The following ELK1 variants were observed in gnomAD, a reference collection of about 807,000 sequenced individuals.
ELK1 encodes the protein ETS domain-containing protein Elk-1.
For missense variants in ELK1, 254 were observed against 381.5 expected (o/e 0.67, Z 2.78); for synonymous variants, 163 against 176.3 (o/e 0.92, Z 0.60).
At position 47,639,073 on chromosome X, in the gene ELK1, T is replaced by G; in HGVS notation, c.476A>C (p.Tyr159Ser). Reference sequence around the variant, plus strand: ...CAGAGACTGGATGGTGAAGGTGGAATAGAGGCCCGAGCGCATGTACTCGTT... The same window carrying G: ...CAGAGACTGGATGGTGAAGGTGGAAGAGAGGCCCGAGCGCATGTACTCGTT... ...SRNEYMRSGL[Y>S]STFTIQSLQP... The change falls in exon 4 of 7, where the codon TAT (tyrosine) becomes TCT (serine). Residue 159 changes from tyrosine (Y) to serine (S), a missense_variant. Transcript: ENST00000376983. The G allele has an allele frequency of 8.3e-7, 1 of 1,201,157 alleles. No homozygotes were observed. Among genetic ancestry groups the G allele is most frequent in the Non-Finnish European group, 1.1e-6 (1 of 890,660 alleles).
At position 47,637,938 on chromosome X, in the gene ELK1, T is replaced by G; in HGVS notation, c.899A>C (p.His300Pro). 3.3e-6 allele frequency: 4 copies of G among 1,204,272 alleles called. No individual in the cohort carries two copies. Among genetic ancestry groups the G allele is most frequent in the Non-Finnish European group, 4.5e-6 (4 of 892,520 alleles). ...VMDTAGQAGG[H>P]AASSPEISQP... The stretch of plus-strand genomic sequence containing the variant: ...GGAGATCTCAGGGCTGGAAGCCGCA[T>G]GGCCGCCCGCCTGCCCTGCGGTGTC... Residue 300 changes from histidine to proline, a missense_variant, in exon 5 of 7, where the codon CAT (histidine) becomes CCT (proline). By Grantham distance (77) the His-to-Pro change is moderately conservative. Coordinates refer to ENST00000376983, the MANE Select transcript of ELK1 (RefSeq NM_001114123.3).
In ELK1 at chrX:47,635,989, T is replaced by C. The variant is rs2058006313; in HGVS notation, c.*840A>G. The C allele has an allele frequency of 9.1e-6, 1 of 109,705 alleles. No individual in the cohort carries two copies. Among genetic ancestry groups the C allele is most frequent in the African/African-American group, 3.3e-5 (1 of 29,994 alleles). The allele number at this position is 109,705 out of a possible 1,213,427, so 9.0% of individuals were successfully genotyped here. On this transcript the variant is annotated 3_prime_UTR_variant, in exon 7 of 7. Coordinates refer to ENST00000376983, the MANE Select transcript of ELK1 (RefSeq NM_001114123.3). Reference sequence around the variant, plus strand: ...CCTCTCCCCTATTGAAAAGCCCCATTTAAAAATAGATTATACTATCAAAAT... The same window carrying C: ...CCTCTCCCCTATTGAAAAGCCCCATCTAAAAATAGATTATACTATCAAAAT...
At chrX:47,638,853 TTACTGCC>T in intron 4 of ELK1, 35 bp downstream of exon 4, 1 of 1,166,715 alleles carries the variant, frequency 8.6e-7, no homozygotes, top group East Asian at 3.1e-5. Context: ...TCCCTCCTCT[TTACTGCC>T]TCCTCTTACT....
rs2058041076 is a variant in ELK1, at chrX:47,645,589, C to G, written c.-34-4114G>C. ...GGAGTTCTTCCCCAAGGAAGTGACA[C>G]CTGGCCTGAAGGAGGGGAGGTAGCA... is the stretch of plus-strand genomic sequence containing the variant. On this transcript the variant is annotated intron_variant, in intron 2 of 6. Transcript: ENST00000376983. Among the ~76,000 whole-genome samples the G allele has an allele frequency of 3.6e-5, 4 of 112,246 alleles. No individual in the cohort carries two copies. The South Asian group carries it at 1.5e-3, about 42-fold the overall frequency.
chrX:47,641,165 A>G, intron 3 of ELK1, 67 bp downstream of exon 3: 1 of 1,139,354 alleles, frequency 8.8e-7, no homozygotes, highest in Non-Finnish European at 1.2e-6. Context: ...TATGGCAATT[A>G]AAACAAAATA....
At position 47,636,999 on chromosome X, in the gene ELK1, A is replaced by T. The variant is rs1335512376; in HGVS notation, c.1188+14T>A. 1.7e-6 allele frequency: 2 copies of T among 1,207,714 alleles called. No individual in the cohort carries two copies. On this transcript the variant is annotated intron_variant, in intron 6 of 6. Coordinates refer to ENST00000376983, the MANE Select transcript of ELK1 (RefSeq NM_001114123.3). Reference sequence around the variant, plus strand: ...GTCTCTCACCCTGTCCAAAACGGGGAAAGAGGATCCTACCTGGAAGGAGAG... The same window carrying T: ...GTCTCTCACCCTGTCCAAAACGGGGTAAGAGGATCCTACCTGGAAGGAGAG...
At chrX:47,644,456 GAAAGGCAGATGAGAAA>G (rs2058037385) in intron 2 of ELK1, among the ~76,000 whole-genome samples, 3 of 111,399 alleles carry the variant, frequency 2.7e-5, no homozygotes, top group African/African-American at 9.8e-5. Flanking sequence ...ATCTTAGCAG[GAAAGGCAGATGAGAAA>G]AAAGGCAAAC....
At chrX:47,644,738 G>A (rs2058038416) in intron 2 of ELK1, among the ~76,000 whole-genome samples, 1 of 110,615 alleles carries the variant, frequency 9.0e-6, no homozygotes, top group Admixed American at 9.6e-5. Flanking sequence ...AGGCTGACAT[G>A]GGTTCGGGGG....
chrX:47,644,964 G>A (rs1490598434), intron 2 of ELK1, among the ~76,000 whole-genome samples: 1 of 111,484 alleles, frequency 9.0e-6, no homozygotes, highest in East Asian at 2.8e-4. Flanking sequence ...GGTAGATGAT[G>A]GTGGTAGCAG....
chrX:47,638,288 C>G lies in ELK1; in HGVS notation c.655-106G>C, dbSNP rs1337399756. The G allele has an allele frequency of 5.2e-6, 5 of 953,265 alleles. No homozygotes were observed. In the African/African-American group the frequency reaches 7.7e-5, roughly 15 times the overall value. The allele number at this position is 953,265 out of a possible 1,213,427, so 78.6% of individuals were successfully genotyped here. A position where few individuals can be genotyped will look rare whatever the true frequency, so the allele number is the denominator to read the frequency against. On this transcript the variant is annotated intron_variant, in intron 4 of 6. Coordinates refer to ENST00000376983, the MANE Select transcript of ELK1 (RefSeq NM_001114123.3). ...CCCCGGGAAGGTGGCACTTGGTACT[C>G]AGGGCATGACTGCACATCAGAGCAA...
chrX:47,641,463 A>T lies in ELK1; in HGVS notation c.-22T>A. 8.4e-7 allele frequency: 1 copy of T among 1,195,906 alleles called. No individual in the cohort carries two copies. Among genetic ancestry groups the T allele is most frequent in the Non-Finnish European group, 1.1e-6 (1 of 885,775 alleles). ...CCATCGCTGGGGGAGTGCTCACGCC[A>T]TCCCAGGGGTACCTGGAGAGCAAAC... is the stretch of plus-strand genomic sequence containing the variant. On this transcript the variant is annotated 5_prime_UTR_variant, in exon 3 of 7. The change abolishes an upstream ATG in the 5' untranslated region. Transcript: ENST00000376983.
chrX:47,638,650 A>G (rs2058017828), intron 4 of ELK1, among the ~76,000 whole-genome samples: 1 of 111,820 alleles, frequency 8.9e-6, no homozygotes, highest in Non-Finnish European at 1.9e-5. Flanking sequence ...AGTGCATTAA[A>G]CATATTCCAG....
chrX:47,637,935 G>C lies in ELK1; in HGVS notation c.902C>G (p.Ala301Gly). 8.3e-7 allele frequency: 1 copy of C among 1,204,275 alleles called. No homozygotes were observed. Among genetic ancestry groups the C allele is most frequent in the Non-Finnish European group, 1.1e-6 (1 of 892,526 alleles). Residue 301 changes from alanine (A) to glycine (G), a missense_variant, in exon 5 of 7, where the codon GCG becomes GGG. By Grantham distance (60) the Ala-to-Gly change is moderately conservative (BLOSUM62 0). Transcript: ENST00000376983. Reference sequence around the variant, plus strand: ...CTGGGAGATCTCAGGGCTGGAAGCCGCATGGCCGCCCGCCTGCCCTGCGGT... The same window carrying C: ...CTGGGAGATCTCAGGGCTGGAAGCCCCATGGCCGCCCGCCTGCCCTGCGGT... ...MDTAGQAGGH[A>G]ASSPEISQPQ...
chrX:47,649,837 G>GC (rs1334566765), intron 2 of ELK1, 84 bp downstream of exon 2: 18 of 99,092 alleles, frequency 1.8e-4, no homozygotes, highest in Non-Finnish European at 2.9e-4. Context: ...TGGTGGTGGG[G>GC]GGGGGGGGTG....
chrX:47,638,995 G>A lies in ELK1; in HGVS notation c.554C>T (p.Ala185Val). ...PRPAVVLPSA[A>V]PAGAAAPPSG... ...GGGGGGCGCTGCTGCCCCTGCAGGA[G>A]CTGCACTGGGGAGCACCACAGCAGG... is the stretch of plus-strand genomic sequence containing the variant. The change falls in exon 4 of 7, where the codon GCT becomes GTT. Residue 185 changes from alanine to valine, a missense_variant. Ala to Val is a moderately conservative substitution (Grantham distance 64). Coordinates refer to ENST00000376983, the MANE Select transcript of ELK1 (RefSeq NM_001114123.3). 8.3e-7 allele frequency: 1 copy of A among 1,200,438 alleles called. No homozygotes were observed. The highest frequency in any genetic ancestry group is 1.8e-5 in the South Asian group (1 of 55,118).
chrX:47,643,962 C>T (rs978481828), intron 2 of ELK1, among the ~76,000 whole-genome samples: 1 of 111,663 alleles, frequency 9.0e-6, no homozygotes, highest in African/African-American at 3.3e-5. Context: ...AGAACAGGAT[C>T]CTCCCTGTCA....
At position 47,638,824 on chromosome X, in the gene ELK1, G is replaced by C; in HGVS notation, c.654+71C>G. 3.6e-6 allele frequency: 4 copies of C among 1,104,135 alleles called. No homozygotes were observed. In the South Asian group the frequency reaches 7.8e-5, roughly 21 times the overall value. The allele number at this position is 1,104,135 out of a possible 1,213,427, so 91.0% of individuals were successfully genotyped here. ...TATGTCTCTTCTACCAGCCTCCCTC[G>C]TCATCCGGGGATTACACATCCCTCC... On this transcript the variant is annotated intron_variant, in intron 4 of 6. Transcript: ENST00000376983.
At chrX:47,649,730 C>T (rs1460317398) in intron 2 of ELK1, among the ~76,000 whole-genome samples, 191 bp downstream of exon 2, 4 of 106,479 alleles carry the variant, frequency 3.8e-5, no homozygotes, top group Non-Finnish European at 5.8e-5. Flanking sequence ...AGCGCTAGAG[C>T]GACAGTCTAC....
chrX:47,638,285 AC>A (rs1239685368), intron 4 of ELK1, 103 bp from the exon 5 acceptor site: 45 of 995,268 alleles, frequency 4.5e-5, no homozygotes, highest in Non-Finnish European at 1.8e-5. Context: ...GGCACTTGGT[AC>A]TCAGGGCATG....
Sources: allele counts gnomAD v4.1 joint callset (sites outside exome capture counted in the v4.1 genomes callset), GRCh38; gene constraint gnomAD v4.1.1; transcripts MANE v1.5; gene names NCBI Gene and HGNC (gene_info 2026-07-23, HGNC 2026-07-21).